The following SNAP91 variants were observed in gnomAD, a reference collection of about 807,000 sequenced individuals.
SNAP91 encodes synaptosome associated protein 91.
SNAP91 carries 27 observed loss-of-function variants against 100.3 expected under a neutral mutation model. The ratio of observed to expected loss-of-function variants is 0.27; its 90% CI spans 0.20 to 0.37. The LOEUF is 0.37. Ranked by LOEUF, SNAP91 falls within the 10% of genes least tolerant of loss-of-function variation. The probability of loss-of-function intolerance (pLI) is 1.00; values close to 1 mark genes in which losing one functional copy is unlikely to be tolerated. For missense variants in SNAP91, 986 were observed against 1,123.7 expected (o/e 0.88, Z 1.75); for synonymous variants, 404 against 398.6 (o/e 1.01, Z -0.16).
At position 83,591,250 on chromosome 6, in the gene SNAP91, C is replaced by T; in HGVS notation, c.1975G>A (p.Ala659Thr). The T allele has an allele frequency of 6.2e-7, 1 of 1,612,914 alleles. No individual in the cohort carries two copies. Among genetic ancestry groups the T allele is most frequent in the East Asian group, 2.2e-5 (1 of 44,840 alleles). ...SASEPQPASQAASSSSASADL... is the reference protein window; with the variant it reads ...SASEPQPASQTASSSSASADL... ...GCCGATGCTGATGAACTAGAAGCAG[C>T]CTGAGATGCAGGTTGGGGTTCAGAA... The change falls in exon 22 of 30, where the codon GCT becomes ACT. Residue 659 changes from alanine (A) to threonine (T), a missense_variant. Physicochemically the swap from Ala to Thr is moderately conservative, Grantham distance 58 (BLOSUM62 0). Coordinates refer to ENST00000369694, the MANE Select transcript of SNAP91 (RefSeq NM_001242792.2).
chr6:83,572,887 A>C (rs1481187412), intron 26 of SNAP91, among the ~76,000 whole-genome samples: 1 of 152,174 alleles, frequency 6.6e-6, no homozygotes, highest in Admixed American at 6.5e-5. Context: ...AGTTCTAAAA[A>C]AGCTTTTTTC....
Position 83,656,797 on chromosome 6 carries a change from G to T in SNAP91, c.615C>A (p.Ile205=). The change falls in exon 7 of 30, where the codon ATC becomes ATA. Residue 205 remains isoleucine (I), a synonymous_variant. Coordinates refer to ENST00000369694, the MANE Select transcript of SNAP91 (RefSeq NM_001242792.2). ...CATCATTGTAGCAAGCAAAAAGTTT[G>T]ATAAGATCTTTGAAAAGAAGCATAA... ...AAFMLLFKDL[I]KLFACYNDGV... 1 of 1,606,220 alleles carries T rather than the reference G, an allele frequency of 6.2e-7. No individual in the cohort carries two copies. Among genetic ancestry groups the T allele is most frequent in the Non-Finnish European group, 8.5e-7 (1 of 1,175,766 alleles).
At chr6:83,579,695 T>C (rs550470811) in intron 24 of SNAP91, among the ~76,000 whole-genome samples, 4 of 152,288 alleles carry the variant, frequency 2.6e-5, no homozygotes, top group African/African-American at 9.6e-5. Context: ...GGATGTCCCT[T>C]GAATCTGCCA....
At chr6:83,567,223 C>T (rs966722473) in intron 26 of SNAP91, among the ~76,000 whole-genome samples, 1 of 152,120 alleles carries the variant, frequency 6.6e-6, no homozygotes, top group Non-Finnish European at 1.5e-5. Context: ...GTTATCGCAT[C>T]CAGCTCAACT....
chr6:83,629,597 A>G (rs1014826248), intron 8 of SNAP91, among the ~76,000 whole-genome samples: 5 of 151,742 alleles, frequency 3.3e-5, no homozygotes, highest in African/African-American at 1.2e-4. Context: ...ATTCCTAAGT[A>G]TTTTATTTTT....
chr6:83,690,292 A>G, intron 2 of SNAP91: 2 of 1,208,608 alleles, frequency 1.7e-6, no homozygotes, highest in South Asian at 1.5e-5. Flanking sequence ...CAAATGTAAC[A>G]TATTTCTGAA....
chr6:83,640,086 T>C (rs1185491006), intron 8 of SNAP91, among the ~76,000 whole-genome samples: 1 of 152,190 alleles, frequency 6.6e-6, no homozygotes, highest in Non-Finnish European at 1.5e-5. Flanking sequence ...GTTTCCCTTA[T>C]ATTTAAAAAA....
chr6:83,561,650 T>C (rs916095184), intron 26 of SNAP91, among the ~76,000 whole-genome samples: 6 of 152,158 alleles, frequency 3.9e-5, no homozygotes, highest in Non-Finnish European at 2.9e-5. Context: ...TATCCTCTAA[T>C]GGTATTGGGT....
At chr6:83,587,414 T>C (rs1213810130) in intron 22 of SNAP91, among the ~76,000 whole-genome samples, 1 of 152,208 alleles carries the variant, frequency 6.6e-6, no homozygotes, top group Non-Finnish European at 1.5e-5. Context: ...CACAGGATTC[T>C]AGAGAATCTT....
chr6:83,655,233 C>T (rs777586468), intron 7 of SNAP91, among the ~76,000 whole-genome samples: 1 of 152,210 alleles, frequency 6.6e-6, no homozygotes, highest in Non-Finnish European at 1.5e-5. Context: ...GTACCTTGCA[C>T]TCTTTGTAAC....
At chr6:83,557,624 T>C (rs892061232) in intron 28 of SNAP91, among the ~76,000 whole-genome samples, 4 of 152,042 alleles carry the variant, frequency 2.6e-5, no homozygotes, top group Admixed American at 6.6e-5. Context: ...CAGTGAGCTA[T>C]GACTGCACCA....
Position 83,610,689 on chromosome 6 carries a change from C to T in SNAP91, c.885-12G>A, listed in dbSNP as rs2095961525. The T allele has an allele frequency of 5.1e-6, 2 of 389,060 alleles. No homozygotes were observed. The highest frequency in any genetic ancestry group is 9.7e-6 in the Non-Finnish European group (2 of 206,618). 24.1% of individuals were successfully genotyped at this position (389,060 alleles called of 1,614,324 possible). ...AGGGAGCACCAGATCTAAAAGGCAA[C>T]ATAAAAAAAAATTAAAACTGAATAT... On this transcript the variant is annotated splice_polypyrimidine_tract_variant and intron_variant, in intron 11 of 29. Coordinates refer to ENST00000369694, the MANE Select transcript of SNAP91 (RefSeq NM_001242792.2).
At chr6:83,577,579 T>C (rs1821090819) in intron 24 of SNAP91, among the ~76,000 whole-genome samples, 2 of 152,160 alleles carry the variant, frequency 1.3e-5, no homozygotes, top group South Asian at 4.1e-4. Flanking sequence ...TGTTGCAAGC[T>C]AGGTGTCCTG....
chr6:83,614,490 T>C (rs1402205455), intron 11 of SNAP91, among the ~76,000 whole-genome samples: 2 of 152,174 alleles, frequency 1.3e-5, no homozygotes, highest in Admixed American at 6.6e-5. Flanking sequence ...AAAACAATTT[T>C]AAGTAATTAA....
intron 2 of SNAP91, among the ~76,000 whole-genome samples, chr6:83,705,133 G>A (rs1393189352): frequency 1.3e-5 from 2 of 152,110 alleles, no homozygotes; most frequent in African/African-American, 2.4e-5. Context: ...TGATAACTAT[G>A]TCTCCAAATT....
chr6:83,638,611 A>G (rs2097553424), intron 8 of SNAP91, among the ~76,000 whole-genome samples: 1 of 152,196 alleles, frequency 6.6e-6, no homozygotes, highest in Non-Finnish European at 1.5e-5. Flanking sequence ...AGGCACTGAA[A>G]GAGGCATTTT....
intron 26 of SNAP91, among the ~76,000 whole-genome samples, chr6:83,572,417 T>G (rs1809761829): frequency 6.7e-6 from 1 of 149,652 alleles, no homozygotes; most frequent in Non-Finnish European, 1.5e-5. Context: ...TTGCAAAGTT[T>G]TGCATTTTTT....
At chr6:83,566,415 C>A (rs1796666822) in intron 26 of SNAP91, among the ~76,000 whole-genome samples, 1 of 152,058 alleles carries the variant, frequency 6.6e-6, no homozygotes, top group African/African-American at 2.4e-5. Context: ...AATTATATTT[C>A]ATATTAATGC....
At chr6:83,591,407 T>C in intron 21 of SNAP91, 113 bp from the exon 22 acceptor site, 2 of 659,158 alleles carry the variant, frequency 3.0e-6, no homozygotes, top group East Asian at 2.6e-5. Context: ...TACAGTGAGC[T>C]TGTCTTTTGT....
Sources: gnomAD v4.1 joint callset for allele counts (sites outside exome capture counted in the v4.1 genomes callset) on GRCh38, gnomAD v4.1.1 for gene constraint, MANE v1.5 for transcripts, NCBI Gene and HGNC (gene_info 2026-07-23, HGNC 2026-07-21) for gene names.